DLGAP2: variants seen among roughly 807,000 people sequenced by gnomAD.
DLGAP2 encodes disks large-associated protein 2.
Under a neutral mutation model 100.3 loss-of-function variants are expected in DLGAP2, and 26 were observed. The observed-to-expected ratio is 0.26, with a 90% CI of 0.19 to 0.36. DLGAP2 has a LOEUF of 0.36. Among genes scored for constraint, DLGAP2 ranks in the 10% least tolerant of loss-of-function variants. DLGAP2 has a pLI of 1.00. For synonymous variants in DLGAP2, 886 were observed against 630.1 expected, an observed-to-expected ratio of 1.41 and a Z score of -6.08; for missense variants, 1,858 against 1,453.2, an observed-to-expected ratio of 1.28 and a Z score of -4.53.
intron 2 of DLGAP2, among the ~76,000 whole-genome samples, chr8:1,068,060 C>G (rs1803312242): frequency 6.6e-6 from 1 of 152,176 alleles, no homozygotes; most frequent in South Asian, 2.1e-4. Context: ...AACCACAGTG[C>G]ACAGCCTTTT....
chr8:1,231,677 C>T (rs75301801), intron 2 of DLGAP2, among the ~76,000 whole-genome samples: 3,060 of 152,222 alleles, frequency 0.02, 118 homozygotes, highest in African/African-American at 0.069. Flanking sequence ...GTGTTCTTTG[C>T]AGCAATGTGG....
chr8:1,202,301 T>TGTGC (rs1797896529), intron 2 of DLGAP2, among the ~76,000 whole-genome samples: 1 of 151,428 alleles, frequency 6.6e-6, no homozygotes, highest in Non-Finnish European at 1.5e-5. Flanking sequence ...AGTATATGTG[T>TGTGC]GTGTGTGTGT....
intron 3 of DLGAP2, among the ~76,000 whole-genome samples, chr8:1,390,787 A>G (rs1284836990): frequency 4.6e-5 from 7 of 152,060 alleles, no homozygotes; most frequent in African/African-American, 1.4e-4. Context: ...TTACAAAACC[A>G]TTTTTCAAGT....
At chr8:1,547,204 C>G (rs1801572072) in intron 4 of DLGAP2, among the ~76,000 whole-genome samples, 1 of 152,186 alleles carries the variant, frequency 6.6e-6, no homozygotes, top group Non-Finnish European at 1.5e-5. Flanking sequence ...CTCTGGTCAT[C>G]ACAGAGCTTG....
intron 3 of DLGAP2, among the ~76,000 whole-genome samples, chr8:1,278,855 A>G (rs1208165297): frequency 6.6e-6 from 1 of 152,242 alleles, no homozygotes; most frequent in African/African-American, 2.4e-5. Context: ...GGAGAGGAAG[A>G]CTATGTGTAC....
chr8:1,534,760 G>A (rs1801098168), intron 4 of DLGAP2, among the ~76,000 whole-genome samples: 1 of 144,914 alleles, frequency 6.9e-6, no homozygotes, highest in African/African-American at 2.7e-5. Context: ...GTTTGTGTGT[G>A]CATGTGTGTG....
rs557879881 is a variant in DLGAP2 at position 1,506,373 on chromosome 8, G to T, written c.172+4942G>T. The stretch of plus-strand genomic sequence containing the variant: ...TCTCACTGACGTCAAGAATGAAGCT[G>T]TGGACCTTTTGGGTGAGTGTCCGGA... On this transcript the variant is annotated intron_variant, in intron 4 of 14. Transcript: ENST00000637795. Among the ~76,000 whole-genome samples, 5 of 152,338 alleles carry T rather than the reference G, an allele frequency of 3.3e-5. No homozygotes were observed. The East Asian group carries it at 9.6e-4, about 29-fold the overall frequency.
At chr8:1,631,070 G>A (rs931154110) in intron 7 of DLGAP2, among the ~76,000 whole-genome samples, 1 of 151,980 alleles carries the variant, frequency 6.6e-6, no homozygotes, top group African/African-American at 2.4e-5. Context: ...CTGGGCGGGA[G>A]GTCCGGGTGA....
At chr8:815,113 GTGC>G (rs1319575296) in intron 1 of DLGAP2, among the ~76,000 whole-genome samples, 2 of 152,320 alleles carry the variant, frequency 1.3e-5, no homozygotes. Flanking sequence ...CAGTGCATGT[GTGC>G]TGCTACAACC....
chr8:1,518,792 T>G (rs1261252381), intron 4 of DLGAP2, among the ~76,000 whole-genome samples: 1 of 152,238 alleles, frequency 6.6e-6, no homozygotes, highest in African/African-American at 2.4e-5. Context: ...TGTTAGATAT[T>G]TGCATTCTAG....
chr8:760,782 C>T, intron 1 of DLGAP2, among the ~76,000 whole-genome samples: 1 of 152,210 alleles, frequency 6.6e-6, no homozygotes, highest in East Asian at 1.9e-4. Context: ...CATGCACCTG[C>T]TGCTTCCACA....
chr8:1,487,594 G>A (rs182761080), intron 3 of DLGAP2, among the ~76,000 whole-genome samples: 11 of 152,296 alleles, frequency 7.2e-5, no homozygotes, highest in East Asian at 3.9e-4. Context: ...GAGGTTGTCC[G>A]TCTAACCCAG....
chr8:780,494 G>T (rs1209566748), intron 1 of DLGAP2, among the ~76,000 whole-genome samples: 1 of 152,184 alleles, frequency 6.6e-6, no homozygotes, highest in Non-Finnish European at 1.5e-5. Context: ...ACCCAGAAGT[G>T]GGATTGCTGG....
At chr8:1,548,523 G>A (rs1801629143) in intron 4 of DLGAP2, 103 bp from the exon 5 acceptor site, 1 of 914,192 alleles carries the variant, frequency 1.1e-6, no homozygotes, top group Non-Finnish European at 1.5e-6. Flanking sequence ...GGCCAGACAT[G>A]GACACTGATT....
At chr8:1,033,282 T>G (rs1189852622) in intron 2 of DLGAP2, among the ~76,000 whole-genome samples, 1 of 152,198 alleles carries the variant, frequency 6.6e-6, no homozygotes, top group African/African-American at 2.4e-5. Flanking sequence ...CTTAAAATCC[T>G]CTTATACAAC....
At chr8:1,555,344 A>G (rs57409845) in intron 5 of DLGAP2, among the ~76,000 whole-genome samples, 2,336 of 152,238 alleles carry the variant, frequency 0.015, 79 homozygotes, top group African/African-American at 0.053. Context: ...CTCCGCTTCC[A>G]GGAGCCACGT....
intron 2 of DLGAP2, among the ~76,000 whole-genome samples, chr8:1,046,304 C>G (rs960165403): frequency 5.9e-5 from 9 of 152,140 alleles, no homozygotes; most frequent in African/African-American, 7.2e-5. Context: ...TCAAGAATGT[C>G]AAAGTGTGCA....
At chr8:873,023 T>G (rs1797627559) in intron 1 of DLGAP2, among the ~76,000 whole-genome samples, 1 of 151,336 alleles carries the variant, frequency 6.6e-6, no homozygotes, top group South Asian at 2.1e-4. Flanking sequence ...ACAGTGTAAG[T>G]ACTATGTGCA....
At chr8:960,526 C>T (rs1799702013) in intron 2 of DLGAP2, among the ~76,000 whole-genome samples, 1 of 152,098 alleles carries the variant, frequency 6.6e-6, no homozygotes, top group African/African-American at 2.4e-5. Context: ...TGGGCCACCA[C>T]TCCCGGCCCT....
Sources: allele counts gnomAD v4.1 joint callset (sites outside exome capture counted in the v4.1 genomes callset), GRCh38; gene constraint gnomAD v4.1.1; transcripts MANE v1.5; gene names NCBI Gene and HGNC (gene_info 2026-07-23, HGNC 2026-07-21).